Variants in RCOR1 observed in about 807,000 individuals in gnomAD.
The protein encoded by RCOR1 is REST corepressor 1, also known as REST corepressor.
In RCOR1, 12 loss-of-function variants were observed where a neutral mutation model predicts 64.0. The observed-to-expected ratio is 0.19, with a 90% CI of 0.12 to 0.30. RCOR1 has a LOEUF of 0.30. Ranked by LOEUF, RCOR1 falls within the 10% of genes least tolerant of loss-of-function variation. RCOR1 has a pLI of 1.00. For missense variants in RCOR1, 502 were observed against 621.2 expected (o/e 0.81, Z 2.04); for synonymous variants, 279 against 227.2 (o/e 1.23, Z -2.05).
intron 3 of RCOR1, among the ~76,000 whole-genome samples, chr14:102,696,119 A>G (rs1222399999): frequency 6.6e-5 from 10 of 152,076 alleles, no homozygotes; most frequent in Non-Finnish European, 1.2e-4. Flanking sequence ...ATGACTTGGC[A>G]TTCCCATACT....
At chr14:102,680,912 A>G (rs944966724) in intron 2 of RCOR1, among the ~76,000 whole-genome samples, 1 of 152,160 alleles carries the variant, frequency 6.6e-6, no homozygotes, top group Non-Finnish European at 1.5e-5. Context: ...AATTTTACCT[A>G]ATTCATACTT....
intron 2 of RCOR1, among the ~76,000 whole-genome samples, chr14:102,629,451 C>A (rs549337286): frequency 1.3e-5 from 2 of 152,006 alleles, no homozygotes; most frequent in African/African-American, 2.4e-5. Context: ...CTCCCCCCCC[C>A]CCACCACTGC....
rs968524923 is a variant in RCOR1, at chr14:102,663,211, G to T, written c.362-18684G>T. Among the ~76,000 whole-genome samples, 3 of 152,164 alleles carry T rather than the reference G, an allele frequency of 2.0e-5. 1 individual carries two copies. Among genetic ancestry groups the T allele is most frequent in the East Asian group, 3.8e-4 (2 of 5,200 alleles). The stretch of plus-strand genomic sequence containing the variant: ...ACTGAGTTGCTCCTCCTTGCCGTCC[G>T]CCATGACTGTGAGGCTTCCCCAGCT... On this transcript the variant is annotated intron_variant, in intron 2 of 11. Transcript: ENST00000262241.
chr14:102,681,896 C>A lies in RCOR1; in HGVS notation c.363C>A (p.Ala121=), dbSNP rs202044364. Reference sequence around the variant, plus strand: ...ATTTTCTTTTTTCTTTCTCCCAAGCCAAACTGGCAAGACGCAGTCAAGAAC... The same window carrying A: ...ATTTTCTTTTTTCTTTCTCCCAAGCAAAACTGGCAAGACGCAGTCAAGAAC... ...YQAVVPDFDP[A]KLARRSQERD... The change falls in exon 3 of 12, where the codon GCC becomes GCA. Residue 121 remains alanine (A), a splice_region_variant and synonymous_variant. Coordinates refer to ENST00000262241, the MANE Select transcript of RCOR1 (RefSeq NM_015156.4). 6.2e-7 allele frequency: 1 copy of A among 1,612,166 alleles called. No homozygotes were observed. The highest frequency in any genetic ancestry group is 8.5e-7 in the Non-Finnish European group (1 of 1,178,574).
At chr14:102,688,782 G>A (rs573496414) in intron 3 of RCOR1, among the ~76,000 whole-genome samples, 7 of 152,248 alleles carry the variant, frequency 4.6e-5, no homozygotes, top group Admixed American at 1.3e-4. Flanking sequence ...GAGGCACTCC[G>A]TTGCTGTGAT....
At chr14:102,593,372 C>G in intron 2 of RCOR1, 47 bp downstream of exon 2, 1 of 1,468,768 alleles carries the variant, frequency 6.8e-7, no homozygotes, top group Non-Finnish European at 8.9e-7. Flanking sequence ...AGCGGGAGCC[C>G]CGGGTCCCCG....
chr14:102,645,460 G>A (rs140315167), intron 2 of RCOR1, among the ~76,000 whole-genome samples: 131 of 152,194 alleles, frequency 8.6e-4, no homozygotes, highest in African/African-American at 3.1e-3. Context: ...CCACTACTTA[G>A]ACAACAGGGG....
chr14:102,702,995 G>A (rs1021863812), intron 4 of RCOR1, among the ~76,000 whole-genome samples: 1 of 152,136 alleles, frequency 6.6e-6, no homozygotes, highest in Non-Finnish European at 1.5e-5. Context: ...AGAAAATGAT[G>A]TATGAACAAA....
At chr14:102,712,249 C>G (rs1470123039) in intron 7 of RCOR1, among the ~76,000 whole-genome samples, 1 of 151,980 alleles carries the variant, frequency 6.6e-6, no homozygotes, top group Admixed American at 6.6e-5. Context: ...GTAGTATGAC[C>G]TTGGCTCACT....
At chr14:102,696,906 C>G (rs1163011895) in intron 3 of RCOR1, among the ~76,000 whole-genome samples, 1 of 144,636 alleles carries the variant, frequency 6.9e-6, no homozygotes, top group Non-Finnish European at 1.5e-5. Flanking sequence ...AAGGAAACCA[C>G]GTGGGAGGTT....
At chr14:102,632,731 TCCCC>T (rs1894149433) in intron 2 of RCOR1, among the ~76,000 whole-genome samples, 1 of 1,632 alleles carries the variant, frequency 6.1e-4, no homozygotes, top group Admixed American at 4.7e-3. Context: ...TCCTTTCTTC[TCCCC>T]TCCCCTCCCC....
At chr14:102,673,924 G>A (rs1316181135) in intron 2 of RCOR1, among the ~76,000 whole-genome samples, 1 of 152,180 alleles carries the variant, frequency 6.6e-6, no homozygotes, top group Admixed American at 6.5e-5. Flanking sequence ...CCCCGTTGAT[G>A]TATTTTAAAG....
Position 102,673,830 on chromosome 14 carries a change from G to A in RCOR1, c.362-8065G>A, listed in dbSNP as rs563202577. 6.6e-5 allele frequency among the ~76,000 whole-genome samples: 10 copies of A among 150,766 alleles called. No individual in the cohort carries two copies. In the South Asian group the frequency reaches 1.9e-3, roughly 28 times the overall value. On this transcript the variant is annotated intron_variant, in intron 2 of 11. Coordinates refer to ENST00000262241, the MANE Select transcript of RCOR1 (RefSeq NM_015156.4). The stretch of plus-strand genomic sequence containing the variant: ...GGGTTTCTCCATGTTGCTCAGGCTG[G>A]TCTCGAACTCCCGACTTCAGGTGAT...
In RCOR1 at chr14:102,595,449, C is replaced by G. The variant is rs985297326; in HGVS notation, c.361+2124C>G. Among the ~76,000 whole-genome samples the G allele has an allele frequency of 2.6e-5, 4 of 152,304 alleles. 1 individual carries two copies. The highest frequency in any genetic ancestry group is 2.6e-4 in the Admixed American group (4 of 15,290). ...AGTCAAGGCTGCAGTGAGCAGTGAT[C>G]TGGCCATTGCACTCCAGCCTGGGTG... On this transcript the variant is annotated intron_variant, in intron 2 of 11. Coordinates refer to ENST00000262241, the MANE Select transcript of RCOR1 (RefSeq NM_015156.4).
chr14:102,643,903 C>G (rs1327628378), intron 2 of RCOR1, among the ~76,000 whole-genome samples: 4 of 152,226 alleles, frequency 2.6e-5, no homozygotes, highest in African/African-American at 4.8e-5. Context: ...TGGGAGAAAA[C>G]TGGCCCAGAT....
At chr14:102,633,674 G>A (rs1048294879) in intron 2 of RCOR1, among the ~76,000 whole-genome samples, 8 of 152,114 alleles carry the variant, frequency 5.3e-5, no homozygotes, top group African/African-American at 1.9e-4. Context: ...TTAGTAGCTG[G>A]AATTACAGGC....
intron 3 of RCOR1, among the ~76,000 whole-genome samples, chr14:102,696,947 G>A (rs1895664326): frequency 6.7e-6 from 1 of 148,738 alleles, no homozygotes; most frequent in Admixed American, 6.9e-5. Flanking sequence ...TTTCATTGCT[G>A]TCCTACCAGC....
intron 3 of RCOR1, among the ~76,000 whole-genome samples, chr14:102,692,943 T>G (rs1176230198): frequency 6.6e-6 from 1 of 151,944 alleles, no homozygotes; most frequent in Non-Finnish European, 1.5e-5. Flanking sequence ...TTTTCATATT[T>G]TTAGTAGAGT....
Position 102,592,651 on chromosome 14 carries a change from T to C in RCOR1, c.-236T>C. 8.3e-7 allele frequency: 1 copy of C among 1,209,092 alleles called. No individual in the cohort carries two copies. Among genetic ancestry groups the C allele is most frequent in the Non-Finnish European group, 1.0e-6 (1 of 975,360 alleles). 74.9% of individuals were successfully genotyped at this position (1,209,092 alleles called of 1,614,324 possible). On this transcript the variant is annotated 5_prime_UTR_variant, in exon 1 of 12. Transcript: ENST00000262241. ...CGCTCGCTGCTCCCGGAGTAGTTGG[T>C]GCCAGTGAAGTGAGGGCGGCGATGA...
Sources: allele counts gnomAD v4.1 joint callset (sites outside exome capture counted in the v4.1 genomes callset), GRCh38; gene constraint gnomAD v4.1.1; transcripts MANE v1.5; gene names NCBI Gene and HGNC (gene_info 2026-07-23, HGNC 2026-07-21).